The following BBS9 variants were observed in gnomAD, a reference collection of about 807,000 sequenced individuals.
BBS9 encodes the protein Bardet-Biedl syndrome 9.
In BBS9, 89 loss-of-function variants were observed where a neutral mutation model predicts 117.7. That is an observed-to-expected ratio of 0.76 (90% CI 0.64 to 0.90). The LOEUF is 0.90. BBS9 is among the 40% of genes least tolerant of loss of function. The pLI is 0.00. For missense variants in BBS9, 982 were observed against 1,042.2 expected, an observed-to-expected ratio of 0.94 and a Z score of 0.80; for synonymous variants, 379 against 370.9, an observed-to-expected ratio of 1.02 and a Z score of -0.25.
chr7:33,448,554 T>G (rs1455395943), intron 19 of BBS9, among the ~76,000 whole-genome samples: 1 of 152,212 alleles, frequency 6.6e-6, no homozygotes, highest in South Asian at 2.1e-4. Context: ...GATGTGAGAA[T>G]TAAATGAGGT....
chr7:33,340,814 G>T, intron 10 of BBS9, 83 bp from the exon 11 acceptor site: 1 of 1,157,962 alleles, frequency 8.6e-7, no homozygotes. Flanking sequence ...TTTTATATGT[G>T]GTATAGACAA....
chr7:33,222,251 C>T (rs1583707392), intron 5 of BBS9, among the ~76,000 whole-genome samples: 1 of 152,110 alleles, frequency 6.6e-6, no homozygotes, highest in Admixed American at 6.5e-5. Context: ...TTTTTCATCT[C>T]TTATAACTAA....
intron 9 of BBS9, among the ~76,000 whole-genome samples, chr7:33,309,570 T>C (rs1013049887): frequency 6.6e-6 from 1 of 152,134 alleles, no homozygotes; most frequent in African/African-American, 2.4e-5. Context: ...TTAATTATAG[T>C]GATATTATAA....
intron 17 of BBS9, among the ~76,000 whole-genome samples, chr7:33,370,143 G>C (rs1403917853): frequency 6.7e-6 from 1 of 148,928 alleles, no homozygotes; most frequent in Non-Finnish European, 1.5e-5. Flanking sequence ...CTGGGGAACT[G>C]AGTAGGATTA....
intron 19 of BBS9, among the ~76,000 whole-genome samples, chr7:33,417,087 T>C (rs1409644021): frequency 2.0e-5 from 3 of 152,208 alleles, no homozygotes; most frequent in African/African-American, 7.2e-5. Flanking sequence ...ATAGCTACAA[T>C]AGACACTACG....
At chr7:33,604,480 T>C (rs542069505) in intron 21 of BBS9, among the ~76,000 whole-genome samples, 29 of 151,748 alleles carry the variant, frequency 1.9e-4, no homozygotes, top group African/African-American at 7.0e-4. Context: ...CCCTCATGGT[T>C]CATGTGCTTT....
intron 9 of BBS9, among the ~76,000 whole-genome samples, chr7:33,310,209 CTT>C (rs1808919213): frequency 6.6e-6 from 1 of 152,174 alleles, no homozygotes; most frequent in Non-Finnish European, 1.5e-5. Flanking sequence ...CAGGCTAACA[CTT>C]AGGAATCATC....
intron 4 of BBS9, among the ~76,000 whole-genome samples, chr7:33,161,363 A>G (rs143885550): frequency 0.095 from 14,467 of 152,190 alleles, 746 homozygotes; most frequent in South Asian, 0.13. Context: ...GAGTGAGAAC[A>G]TGCAGTGTTT....
At chr7:33,183,088 A>G (rs1235258820) in intron 5 of BBS9, among the ~76,000 whole-genome samples, 1 of 152,230 alleles carries the variant, frequency 6.6e-6, no homozygotes, top group African/African-American at 2.4e-5. Flanking sequence ...GTTATTACGC[A>G]TGAAATCTCT....
chr7:33,303,522 T>TTCCCCCCC (rs1806961766), intron 9 of BBS9, among the ~76,000 whole-genome samples: 1 of 77,028 alleles, frequency 1.3e-5, no homozygotes, highest in Non-Finnish European at 2.4e-5. Context: ...AATGATCCCC[T>TTCCCCCCC]CCCCCCGCCC....
chr7:33,444,046 T>C (rs1438460302), intron 19 of BBS9, among the ~76,000 whole-genome samples: 4 of 152,196 alleles, frequency 2.6e-5, no homozygotes, highest in African/African-American at 9.6e-5. Context: ...TCTTTCCCCC[T>C]GAGGCAACCC....
At chr7:33,437,610 A>T (rs145614375) in intron 19 of BBS9, among the ~76,000 whole-genome samples, 2,143 of 152,300 alleles carry the variant, frequency 0.014, 56 homozygotes, top group African/African-American at 0.049. Flanking sequence ...GCAGTGCCTC[A>T]TGCCTGTAAT....
At chr7:33,619,934 C>G (rs1357565182) in intron 21 of BBS9, among the ~76,000 whole-genome samples, 2 of 151,882 alleles carry the variant, frequency 1.3e-5, no homozygotes, top group African/African-American at 4.8e-5. Flanking sequence ...AGTGTTACAC[C>G]TCAAAGAACT....
intron 19 of BBS9, among the ~76,000 whole-genome samples, chr7:33,459,201 T>A (rs1839083258): frequency 6.6e-6 from 1 of 152,116 alleles, no homozygotes; most frequent in Non-Finnish European, 1.5e-5. Context: ...CCAGCCAGAA[T>A]CTTGCGGTAT....
At chr7:33,136,984 A>G (rs750853536) in intron 1 of BBS9, among the ~76,000 whole-genome samples, 3 of 151,986 alleles carry the variant, frequency 2.0e-5, no homozygotes, top group Non-Finnish European at 2.9e-5. Context: ...TTACTAATTC[A>G]ATTTCTTTAT....
intron 13 of BBS9, among the ~76,000 whole-genome samples, chr7:33,349,949 G>T (rs937999134): frequency 2.6e-5 from 4 of 152,100 alleles, no homozygotes; most frequent in African/African-American, 9.7e-5. Context: ...AGGGGGTAAT[G>T]ATATTTGTTT....
chr7:33,275,005 A>AG (rs1800493097), intron 9 of BBS9, among the ~76,000 whole-genome samples: 1 of 151,420 alleles, frequency 6.6e-6, no homozygotes, highest in Non-Finnish European at 1.5e-5. Flanking sequence ...AAAAAAAAAA[A>AG]AAAAAAAAAA....
intron 5 of BBS9, among the ~76,000 whole-genome samples, chr7:33,245,006 G>A (rs1224422419): frequency 6.6e-6 from 1 of 151,994 alleles, no homozygotes; most frequent in Non-Finnish European, 1.5e-5. Flanking sequence ...CTCTTGTTTT[G>A]TATTGAAAAG....
chr7:33,468,149 G>T (rs968126888), intron 19 of BBS9, among the ~76,000 whole-genome samples: 7 of 152,252 alleles, frequency 4.6e-5, no homozygotes, highest in African/African-American at 1.7e-4. Flanking sequence ...AAAAGAGAGA[G>T]ATCGGGGGTA....
Sources: allele counts gnomAD v4.1 joint callset (sites outside exome capture counted in the v4.1 genomes callset), GRCh38; gene constraint gnomAD v4.1.1; transcripts MANE v1.5; gene names NCBI Gene and HGNC (gene_info 2026-07-23, HGNC 2026-07-21).